Variants in MMP20 observed in about 807,000 individuals in gnomAD.
MMP20 encodes matrix metallopeptidase 20.
Under a neutral mutation model 51.8 loss-of-function variants are expected in MMP20, and 50 were observed. That is an observed-to-expected ratio of 0.97 (90% CI 0.77 to 1.22). The LOEUF (loss-of-function observed/expected upper bound fraction) is 1.22, where lower values mean the gene tolerates loss of function less well. MMP20 is among the 50% of genes most tolerant of loss of function. MMP20 has a pLI of 0.00. For synonymous variants in MMP20, 244 were observed against 216.2 expected (o/e 1.13, Z -1.13); for missense variants, 663 against 601.4 (o/e 1.10, Z -1.07).
chr11:102,583,840 T>C (rs997675822), intron 8 of MMP20, among the ~76,000 whole-genome samples: 1 of 152,258 alleles, frequency 6.6e-6, no homozygotes, highest in Non-Finnish European at 1.5e-5. Context: ...ATCTACTTTC[T>C]GTCTGTTTTA....
chr11:102,583,395 G>A (rs1859218160), intron 8 of MMP20: 1 of 152,110 alleles, frequency 6.6e-6, no homozygotes, highest in Non-Finnish European at 1.5e-5. Flanking sequence ...ACATGATAGT[G>A]GTCCCATAAG....
At chr11:102,579,214 T>G in intron 8 of MMP20, 72 bp from the exon 9 acceptor site, 1 of 1,022,228 alleles carries the variant, frequency 9.8e-7, no homozygotes, top group Non-Finnish European at 1.5e-6. Context: ...ACTATACTGG[T>G]CAGGCATATG....
In MMP20 at chr11:102,577,583, C is replaced by A. The variant is rs540883217; in HGVS notation, c.1352-157G>T. Among the ~76,000 whole-genome samples the A allele has an allele frequency of 1.1e-4, 16 of 152,358 alleles. No homozygotes were observed. The South Asian group carries it at 1.2e-3, about 12-fold the overall frequency. On this transcript the variant is annotated intron_variant, in intron 9 of 9. Transcript: ENST00000260228. ...TGTCTTCTGTCTTCATGCCCTAGAA[C>A]CTGACTCCTGAACTTCTCAGTCATT...
chr11:102,623,498 C>T (rs1245488277), intron 1 of MMP20, among the ~76,000 whole-genome samples: 1 of 152,202 alleles, frequency 6.6e-6, no homozygotes, highest in Admixed American at 6.5e-5. Flanking sequence ...GGAACAGTTT[C>T]GTCCCAAAAC....
In MMP20 at chr11:102,593,598, G is replaced by A. The variant is rs764951186; in HGVS notation, c.1091-3C>T. ...TCTTGTTATCCAGTAGTGGGGACCTGAAAACAGAAATTAAAGTTTACGAAA... is the reference window on the plus strand; with the variant it reads ...TCTTGTTATCCAGTAGTGGGGACCTAAAAACAGAAATTAAAGTTTACGAAA... On this transcript the variant is annotated splice_region_variant and splice_polypyrimidine_tract_variant and intron_variant, in intron 7 of 9. Transcript: ENST00000260228. 1.9e-6 allele frequency: 3 copies of A among 1,614,018 alleles called. No homozygotes were observed. Among genetic ancestry groups the A allele is most frequent in the Non-Finnish European group, 2.5e-6 (3 of 1,179,920 alleles).
rs754430140 is a variant in MMP20 at position 102,579,111 on chromosome 11, C to G, written c.1279G>C (p.Asp427His). 2 of 1,613,476 alleles carry G rather than the reference C, an allele frequency of 1.2e-6. No individual in the cohort carries two copies. The highest frequency in any genetic ancestry group is 1.7e-6 in the Non-Finnish European group (2 of 1,179,544). Reference sequence around the variant, plus strand: ...TCTTCTTCAGTATTCTTTGGATAGTCTTTTTCCATTTTCCTTTTCCTTTCG... The same window carrying G: ...TCTTCTTCAGTATTCTTTGGATAGTGTTTTTCCATTTTCCTTTTCCTTTCG... ...YDERKRKMEK[D>H]YPKNTEEEFS... The change falls in exon 9 of 10, where the codon GAC (aspartate) becomes CAC (histidine). Residue 427 changes from aspartate to histidine, a missense_variant. Transcript: ENST00000260228.
chr11:102,611,699 C>G, intron 3 of MMP20, 56 bp downstream of exon 3: 1 of 1,591,474 alleles, frequency 6.3e-7, no homozygotes. Flanking sequence ...GTAGAAGGAA[C>G]AGTATTGGGA....
chr11:102,620,364 G>A (rs1488797459), intron 1 of MMP20, among the ~76,000 whole-genome samples: 4 of 152,156 alleles, frequency 2.6e-5, no homozygotes, highest in South Asian at 4.1e-4. Context: ...CAGGCACTTA[G>A]GTGTGTACTT....
intron 3 of MMP20, among the ~76,000 whole-genome samples, chr11:102,610,755 G>GTTT (rs1311000909): frequency 5.5e-5 from 8 of 146,446 alleles, no homozygotes; most frequent in Admixed American, 1.4e-4. Flanking sequence ...CCCAGTTTTA[G>GTTT]TTTGTTTTTT....
At chr11:102,588,067 A>C (rs1859274427) in intron 8 of MMP20, among the ~76,000 whole-genome samples, 1 of 152,042 alleles carries the variant, frequency 6.6e-6, no homozygotes, top group Admixed American at 6.5e-5. Flanking sequence ...AAATTTTCTA[A>C]TGTAACATTT....
chr11:102,599,903 G>A (rs1859425562), intron 6 of MMP20, among the ~76,000 whole-genome samples: 1 of 152,182 alleles, frequency 6.6e-6, no homozygotes, highest in African/African-American at 2.4e-5. Context: ...TCAAAGCTGT[G>A]CATAGTGCCC....
rs546233291 is a variant in MMP20, at chr11:102,584,850, A to C, written c.1248-5708T>G. Among the ~76,000 whole-genome samples the C allele has an allele frequency of 1.4e-3, 215 of 151,934 alleles. 2 individuals carry two copies. Among genetic ancestry groups the C allele is most frequent in the Admixed American group, 7.3e-3 (111 of 15,244 alleles). On this transcript the variant is annotated intron_variant, in intron 8 of 9. Coordinates refer to ENST00000260228, the MANE Select transcript of MMP20 (RefSeq NM_004771.4). The stretch of plus-strand genomic sequence containing the variant: ...TCCATTCTTTTGCATGTGGCTATCC[A>C]CTCCTTCCAGCATCATTTGTTGAAG...
intron 2 of MMP20, among the ~76,000 whole-genome samples, chr11:102,615,687 G>A (rs1859660666): frequency 6.6e-6 from 1 of 152,122 alleles, no homozygotes; most frequent in Non-Finnish European, 1.5e-5. Context: ...TGCACCCTCT[G>A]CTGCAGCCGC....
Position 102,593,446 on chromosome 11 carries a change from A to G in MMP20, c.1240T>C (p.Tyr414His), listed in dbSNP as rs1859341893. ...AAAGGAAAAAAGCCATACCTGTAGTATTCATCTCCCACAAAGAAAAGGGTC... is the reference window on the plus strand; with the variant it reads ...AAAGGAAAAAAGCCATACCTGTAGTGTTCATCTCCCACAAAGAAAAGGGTC... ...QKTLFFVGDE[Y>H]YSYDERKRKM... Residue 414 changes from tyrosine to histidine, a missense_variant, in exon 8 of 10, where the codon TAC becomes CAC. Tyr to His is a moderately conservative substitution (Grantham distance 83). Coordinates refer to ENST00000260228, the MANE Select transcript of MMP20 (RefSeq NM_004771.4). The G allele has an allele frequency of 1.2e-6, 2 of 1,614,004 alleles. No individual in the cohort carries two copies. The highest frequency in any genetic ancestry group is 1.7e-6 in the Non-Finnish European group (2 of 1,179,854).
chr11:102,617,856 G>A (rs986382437), intron 1 of MMP20, among the ~76,000 whole-genome samples: 1 of 152,152 alleles, frequency 6.6e-6, no homozygotes, highest in African/African-American at 2.4e-5. Context: ...GTTGAGGCCT[G>A]CCTTTGGCTC....
chr11:102,623,402 A>G (rs1429299064), intron 1 of MMP20, among the ~76,000 whole-genome samples: 2 of 152,200 alleles, frequency 1.3e-5, no homozygotes, highest in East Asian at 3.8e-4. Context: ...AGATTCGCAT[A>G]GGAGCAGAAC....
chr11:102,613,320 A>G (rs1859627054), intron 2 of MMP20, among the ~76,000 whole-genome samples: 1 of 152,180 alleles, frequency 6.6e-6, no homozygotes, highest in African/African-American at 2.4e-5. Context: ...ATGCAAAGTG[A>G]GAAGCTGTGT....
chr11:102,579,435 C>A (rs1432681399), intron 8 of MMP20, among the ~76,000 whole-genome samples: 1 of 152,016 alleles, frequency 6.6e-6, no homozygotes, highest in Non-Finnish European at 1.5e-5. Flanking sequence ...GTCTCAGCCT[C>A]CTGAGTAGCT....
chr11:102,584,360 T>G (rs1015300747), intron 8 of MMP20, among the ~76,000 whole-genome samples: 7 of 152,238 alleles, frequency 4.6e-5, no homozygotes, highest in Non-Finnish European at 1.0e-4. Flanking sequence ...GGGTTTCATT[T>G]GCATTTTCCT....
Sources: allele counts gnomAD v4.1 joint callset (sites outside exome capture counted in the v4.1 genomes callset), GRCh38; gene constraint gnomAD v4.1.1; transcripts MANE v1.5; gene names NCBI Gene and HGNC (gene_info 2026-07-23, HGNC 2026-07-21).